Variants in CACNA2D3 observed in about 807,000 individuals in gnomAD.
CACNA2D3 encodes the protein voltage-dependent calcium channel subunit alpha-2/delta-3.
Under a neutral mutation model 160.6 loss-of-function variants are expected in CACNA2D3, and 60 were observed. The observed-to-expected ratio is 0.37, with a 90% confidence interval of 0.30 to 0.46. The LOEUF is 0.46. Among genes scored for constraint, CACNA2D3 ranks in the 20% least tolerant of loss-of-function variants. The probability of loss-of-function intolerance (pLI) is 1.00; values close to 1 mark genes in which losing one functional copy is unlikely to be tolerated. For missense variants in CACNA2D3, 1,205 were observed against 1,365.0 expected (o/e 0.88, Z 1.85); for synonymous variants, 558 against 492.9 (o/e 1.13, Z -1.75).
At chr3:54,925,590 T>A (rs889731915) in intron 27 of CACNA2D3, among the ~76,000 whole-genome samples, 2 of 152,148 alleles carry the variant, frequency 1.3e-5, no homozygotes, top group African/African-American at 2.4e-5. Context: ...TAAAAGAGTG[T>A]TAGAGGATTT....
chr3:54,836,226 C>CTTTTTTTTTTTTTT (rs71096454), intron 14 of CACNA2D3, among the ~76,000 whole-genome samples: 102 of 92,666 alleles, frequency 1.1e-3, no homozygotes, highest in African/African-American at 1.4e-3. Flanking sequence ...TTTTTTTTTT[C>CTTTTTTTTTTTTTT]TTTTTTTTTT....
chr3:54,736,052 CATATGTATGT>C (rs1701504813), intron 11 of CACNA2D3, among the ~76,000 whole-genome samples: 1 of 47,262 alleles, frequency 2.1e-5, no homozygotes, highest in African/African-American at 9.0e-5. Context: ...TATACACATA[CATATGTATGT>C]ATATATATAT....
Position 54,896,200 on chromosome 3 carries a change from CAG to C in CACNA2D3, c.2247-548_2247-547del, listed in dbSNP as rs540873043. On this transcript the variant is annotated intron_variant, in intron 25 of 37. Coordinates refer to ENST00000474759, the MANE Select transcript of CACNA2D3 (RefSeq NM_018398.3). ...AGTCAGTGGAGGGCGGGGATGCACA[CAG>C]GGGGCATGAGCAGGCCTGTTTGTCC... Among the ~76,000 whole-genome samples, 128 of 152,250 alleles carry C rather than the reference CAG, an allele frequency of 8.4e-4. No homozygotes were observed. The Middle Eastern group carries it at 0.01, about 12-fold the overall frequency.
intron 5 of CACNA2D3, among the ~76,000 whole-genome samples, chr3:54,555,579 C>G (rs1424297889): frequency 6.6e-6 from 1 of 152,206 alleles, no homozygotes; most frequent in Non-Finnish European, 1.5e-5. Flanking sequence ...TCTTCACATA[C>G]AAATTGTAAA....
At chr3:54,954,887 G>T (rs951294650) in intron 27 of CACNA2D3, among the ~76,000 whole-genome samples, 6 of 152,218 alleles carry the variant, frequency 3.9e-5, no homozygotes, top group Non-Finnish European at 5.9e-5. Context: ...GAGACAGCAT[G>T]AGAGGCGCCG....
chr3:54,320,199 G>C (rs1006827908), intron 2 of CACNA2D3, among the ~76,000 whole-genome samples: 11 of 152,190 alleles, frequency 7.2e-5, no homozygotes, highest in African/African-American at 2.7e-4. Context: ...CGTTTAATTG[G>C]GTTAAGATAT....
At chr3:54,155,252 G>A in intron 2 of CACNA2D3, among the ~76,000 whole-genome samples, 1 of 152,164 alleles carries the variant, frequency 6.6e-6, no homozygotes. Context: ...CCCCAACAAA[G>A]CTTTACCTAT....
At chr3:54,853,196 C>G (rs1354740537) in intron 17 of CACNA2D3, among the ~76,000 whole-genome samples, 1 of 152,108 alleles carries the variant, frequency 6.6e-6, no homozygotes, top group Non-Finnish European at 1.5e-5. Context: ...CCATCACTCT[C>G]CATCACATCC....
chr3:55,051,001 TC>T (rs1442043992), intron 35 of CACNA2D3, among the ~76,000 whole-genome samples: 1 of 144,422 alleles, frequency 6.9e-6, no homozygotes, highest in Non-Finnish European at 1.5e-5. Flanking sequence ...AGTTATACAT[TC>T]TTCTAAATTT....
chr3:54,934,272 ATG>A (rs1213943480), intron 27 of CACNA2D3, among the ~76,000 whole-genome samples: 1 of 152,168 alleles, frequency 6.6e-6, no homozygotes, highest in Non-Finnish European at 1.5e-5. Flanking sequence ...TGACATTAAG[ATG>A]TAAATTGAAT....
intron 2 of CACNA2D3, among the ~76,000 whole-genome samples, chr3:54,265,715 TACGC>T (rs202195802): frequency 0.012 from 1,782 of 150,678 alleles, 43 homozygotes; most frequent in East Asian, 0.051. Context: ...TGTGTTTATA[TACGC>T]ACACACACAG....
intron 5 of CACNA2D3, among the ~76,000 whole-genome samples, chr3:54,536,856 C>T (rs1005655721): frequency 6.6e-6 from 1 of 152,180 alleles, no homozygotes; most frequent in Non-Finnish European, 1.5e-5. Flanking sequence ...ATCAAGTGTT[C>T]TTGGGTGCCC....
chr3:54,218,339 C>G (rs946863613), intron 2 of CACNA2D3, among the ~76,000 whole-genome samples: 4 of 152,166 alleles, frequency 2.6e-5, no homozygotes, highest in African/African-American at 9.7e-5. Context: ...TCAGCTGATG[C>G]TGCCCTGTGG....
At chr3:54,988,995 T>A (rs1174560530) in intron 31 of CACNA2D3, among the ~76,000 whole-genome samples, 1 of 152,114 alleles carries the variant, frequency 6.6e-6, no homozygotes, top group Non-Finnish European at 1.5e-5. Context: ...GCTTGAAAAC[T>A]CTGCTTGGAT....
At chr3:54,555,623 C>T (rs1204215170) in intron 5 of CACNA2D3, among the ~76,000 whole-genome samples, 1 of 152,170 alleles carries the variant, frequency 6.6e-6, no homozygotes, top group Non-Finnish European at 1.5e-5. Flanking sequence ...CTCTTACTCC[C>T]CAAACATCTG....
At chr3:54,752,729 G>A in intron 12 of CACNA2D3, 52 bp downstream of exon 12, 1 of 1,268,282 alleles carries the variant, frequency 7.9e-7, no homozygotes, top group Non-Finnish European at 1.1e-6. Flanking sequence ...TACTTGTGCA[G>A]AATTAGGAAT....
intron 12 of CACNA2D3, among the ~76,000 whole-genome samples, chr3:54,756,466 G>T (rs909409920): frequency 1.3e-5 from 2 of 152,188 alleles, no homozygotes; most frequent in Non-Finnish European, 2.9e-5. Context: ...GTCTCAGATT[G>T]TTATAGTATG....
chr3:54,401,679 C>G (rs1159302447), intron 4 of CACNA2D3, among the ~76,000 whole-genome samples: 3 of 152,078 alleles, frequency 2.0e-5, no homozygotes, highest in African/African-American at 4.8e-5. Context: ...AAAGGAGAAA[C>G]AAAAGTCTTT....
In CACNA2D3 at chr3:54,351,142, C is replaced by T. The variant is rs141647042; in HGVS notation, c.321+30584C>T. ...GATTACAGGTACCTACCACCATGCC[C>T]GGCTAATTTTTGTACTTTTACTAGA... On this transcript the variant is annotated intron_variant, in intron 3 of 37. Coordinates refer to ENST00000474759, the MANE Select transcript of CACNA2D3 (RefSeq NM_018398.3). Among the ~76,000 whole-genome samples, 541 of 151,552 alleles carry T rather than the reference C, an allele frequency of 3.6e-3. 15 individuals are homozygous for T. In the East Asian group the frequency reaches 0.063, roughly 18 times the overall value.
Sources: gnomAD v4.1 joint callset for allele counts (sites outside exome capture counted in the v4.1 genomes callset) on GRCh38, gnomAD v4.1.1 for gene constraint, MANE v1.5 for transcripts, NCBI Gene and HGNC (gene_info 2026-07-23, HGNC 2026-07-21) for gene names.